Variants in PTPRD observed in about 807,000 individuals in gnomAD.
PTPRD encodes the protein protein tyrosine phosphatase receptor type D.
A neutral mutation model predicts 214.5 loss-of-function variants in PTPRD; 34 were observed. The observed-to-expected ratio is 0.16, with a 90% CI of 0.12 to 0.21. The LOEUF (loss-of-function observed/expected upper bound fraction) is 0.21. PTPRD is among the 10% of genes least tolerant of loss of function. PTPRD has a pLI of 1.00. For synonymous variants in PTPRD, 1,128 were observed against 845.7 expected (o/e 1.33, Z -5.79); for missense variants, 2,545 against 2,398.7 (o/e 1.06, Z -1.27).
intron 2 of PTPRD, among the ~76,000 whole-genome samples, chr9:10,458,882 A>AT (rs1321584758): frequency 3.9e-5 from 6 of 152,090 alleles, no homozygotes; most frequent in Non-Finnish European, 8.8e-5. Flanking sequence ...CATTTCTTTT[A>AT]TTTTTTAACT....
At chr9:9,697,364 G>T (rs780449688) in intron 7 of PTPRD, among the ~76,000 whole-genome samples, 18 of 152,006 alleles carry the variant, frequency 1.2e-4, no homozygotes, top group Non-Finnish European at 2.4e-4. Flanking sequence ...TGTAAGATGG[G>T]TCTGATGGTT....
At chr9:8,325,759 A>G (rs934980589) in intron 44 of PTPRD, among the ~76,000 whole-genome samples, 4 of 152,018 alleles carry the variant, frequency 2.6e-5, no homozygotes, top group African/African-American at 4.8e-5. Flanking sequence ...GTTTCATTGA[A>G]CAGTGGTTTG....
At chr9:10,520,331 A>G (rs566780664) in intron 2 of PTPRD, among the ~76,000 whole-genome samples, 5 of 152,330 alleles carry the variant, frequency 3.3e-5, no homozygotes, top group Non-Finnish European at 5.9e-5. Flanking sequence ...CCTAAACCAG[A>G]GCACAAACCT....
chr9:9,017,230 A>G (rs2099539619), intron 11 of PTPRD, among the ~76,000 whole-genome samples: 1 of 152,268 alleles, frequency 6.6e-6, no homozygotes, highest in South Asian at 2.1e-4. Context: ...GTGCTGCTAA[A>G]AAGGAATTTT....
At chr9:10,204,990 TA>T (rs1210745734) in intron 3 of PTPRD, among the ~76,000 whole-genome samples, 1 of 152,136 alleles carries the variant, frequency 6.6e-6, no homozygotes, top group East Asian at 1.9e-4. Context: ...GAGTACAAAT[TA>T]ATACTTTGAA....
chr9:10,566,560 G>A (rs192197072), intron 2 of PTPRD, among the ~76,000 whole-genome samples: 97 of 152,010 alleles, frequency 6.4e-4, no homozygotes, highest in African/African-American at 2.3e-3. Context: ...TGATTTGTAG[G>A]AGTTCTATGT....
At chr9:9,450,004 T>G (rs1197245527) in intron 8 of PTPRD, among the ~76,000 whole-genome samples, 1 of 151,994 alleles carries the variant, frequency 6.6e-6, no homozygotes, top group Non-Finnish European at 1.5e-5. Context: ...CATTCCTGAG[T>G]TACTTTACTT....
At chr9:9,640,967 C>T (rs1270797148) in intron 7 of PTPRD, among the ~76,000 whole-genome samples, 1 of 152,174 alleles carries the variant, frequency 6.6e-6, no homozygotes, top group Non-Finnish European at 1.5e-5. Flanking sequence ...TGGCTTACTG[C>T]CAAAATAGTT....
chr9:10,493,091 A>G (rs1589386779), intron 2 of PTPRD, among the ~76,000 whole-genome samples: 1 of 152,152 alleles, frequency 6.6e-6, no homozygotes, highest in East Asian at 1.9e-4. Flanking sequence ...GCTGACGGAA[A>G]TAAGAGAGCA....
chr9:10,557,273 G>T (rs560580193), intron 2 of PTPRD, among the ~76,000 whole-genome samples: 1 of 152,110 alleles, frequency 6.6e-6, no homozygotes, highest in African/African-American at 2.4e-5. Context: ...TTAAAAGGAT[G>T]CCCCATCCTA....
intron 3 of PTPRD, among the ~76,000 whole-genome samples, chr9:10,275,812 C>T (rs1218084758): frequency 2.0e-5 from 3 of 152,192 alleles, no homozygotes; most frequent in South Asian, 4.2e-4. Context: ...TGAAGCATGC[C>T]TCAGAAATAC....
intron 5 of PTPRD, among the ~76,000 whole-genome samples, chr9:9,893,899 T>A (rs532653250): frequency 6.6e-6 from 1 of 152,074 alleles, no homozygotes; most frequent in East Asian, 1.9e-4. Context: ...TAGCTCACTG[T>A]AACCTTAAAC....
intron 2 of PTPRD, among the ~76,000 whole-genome samples, chr9:10,421,682 C>T (rs970775788): frequency 2.6e-5 from 4 of 151,854 alleles, no homozygotes; most frequent in African/African-American, 9.7e-5. Context: ...CATTTGGTTT[C>T]TAAATGTACA....
chr9:10,461,941 A>C (rs1314428384), intron 2 of PTPRD, among the ~76,000 whole-genome samples: 2 of 152,124 alleles, frequency 1.3e-5, no homozygotes, highest in Non-Finnish European at 2.9e-5. Context: ...TGTATGTGAA[A>C]TTTTAAAAAA....
intron 11 of PTPRD, among the ~76,000 whole-genome samples, chr9:8,866,355 C>T (rs866324460): frequency 1.3e-5 from 2 of 152,254 alleles, no homozygotes; most frequent in South Asian, 4.1e-4. Context: ...AAAAGCCCAT[C>T]TTTCTAACAC....
At chr9:9,236,986 T>C (rs1594250794) in intron 9 of PTPRD, among the ~76,000 whole-genome samples, 1 of 152,288 alleles carries the variant, frequency 6.6e-6, no homozygotes. Context: ...GCTTATTAGT[T>C]TTTGTCTGGA....
intron 5 of PTPRD, among the ~76,000 whole-genome samples, chr9:9,921,138 A>G (rs2082424678): frequency 6.6e-6 from 1 of 152,066 alleles, no homozygotes; most frequent in East Asian, 1.9e-4. Flanking sequence ...CACTGAAGTT[A>G]TTGGAGTTGC....
intron 2 of PTPRD, among the ~76,000 whole-genome samples, chr9:10,470,122 T>G (rs1231998161): frequency 6.6e-6 from 1 of 152,086 alleles, no homozygotes; most frequent in East Asian, 1.9e-4. Flanking sequence ...AGATATGGAA[T>G]AGTCCCAACA....
chr9:9,829,797 T>C (rs2054205972), intron 5 of PTPRD, among the ~76,000 whole-genome samples: 1 of 151,808 alleles, frequency 6.6e-6, no homozygotes, highest in Non-Finnish European at 1.5e-5. Context: ...GAAACCTACA[T>C]TATCATTATT....
Sources: gnomAD v4.1 joint callset for allele counts (sites outside exome capture counted in the v4.1 genomes callset) on GRCh38, gnomAD v4.1.1 for gene constraint, MANE v1.5 for transcripts, NCBI Gene and HGNC (gene_info 2026-07-23, HGNC 2026-07-21) for gene names.